Variants in DCDC2 observed in about 807,000 individuals in gnomAD.
DCDC2 encodes the protein doublecortin domain containing 2.
Under a neutral mutation model 50.2 loss-of-function variants are expected in DCDC2, and 40 were observed. The observed-to-expected ratio is 0.80, with a 90% CI of 0.62 to 1.04. DCDC2 has a LOEUF of 1.04. Ranked by LOEUF, DCDC2 falls within the 50% of genes least tolerant of loss-of-function variation. DCDC2 has a pLI of 0.00. For missense variants in DCDC2, 570 were observed against 581.9 expected (o/e 0.98, Z 0.21); for synonymous variants, 234 against 210.6 (o/e 1.11, Z -0.96).
chr6:24,274,982 T>C (rs1291688550), intron 7 of DCDC2, among the ~76,000 whole-genome samples: 4 of 152,172 alleles, frequency 2.6e-5, no homozygotes, highest in Admixed American at 2.0e-4. Flanking sequence ...AAATTTAAAA[T>C]ACATTGTAAG....
At chr6:24,372,882 G>C in the DCDC2 span, among the ~76,000 whole-genome samples, 26 of 151,952 alleles carry the variant, frequency 1.7e-4, no homozygotes, top group African/African-American at 5.8e-4. Context: ...AAACCTGCAC[G>C]TTGTGCACAT....
intron 2 of DCDC2, among the ~76,000 whole-genome samples, chr6:24,325,870 T>C (rs1759849592): frequency 6.7e-6 from 1 of 149,048 alleles, no homozygotes; most frequent in Non-Finnish European, 1.5e-5. Context: ...TTAAATAAAA[T>C]TAAAAGGTTG....
At chr6:24,245,977 G>A (rs1762662963) in intron 7 of DCDC2, among the ~76,000 whole-genome samples, 1 of 151,978 alleles carries the variant, frequency 6.6e-6, no homozygotes, top group Non-Finnish European at 1.5e-5. Context: ...TGATCTGAGA[G>A]GATAGATTTT....
intron 6 of DCDC2, among the ~76,000 whole-genome samples, chr6:24,286,576 G>A (rs1452884446): frequency 6.8e-6 from 1 of 146,190 alleles, no homozygotes; most frequent in Non-Finnish European, 1.5e-5. Flanking sequence ...CTGGGTGACA[G>A]AGTGAGACCC....
At chr6:24,360,346 G>A (rs1480245966), upstream of DCDC2, among the ~76,000 whole-genome samples, 1 of 152,206 alleles carries the variant, frequency 6.6e-6, no homozygotes, top group Non-Finnish European at 1.5e-5. Flanking sequence ...CCTGCTGTGT[G>A]CAAGGCCCTG....
intron 8 of DCDC2, among the ~76,000 whole-genome samples, chr6:24,187,332 T>C (rs1761227457): frequency 6.6e-6 from 1 of 152,048 alleles, no homozygotes; most frequent in Admixed American, 6.6e-5. Flanking sequence ...GGCGGTGCCA[T>C]CCTATTACTC....
At chr6:24,359,171 ATATATATTTTATATATTT>A (rs1453489512), upstream of DCDC2, among the ~76,000 whole-genome samples, 5 of 63,292 alleles carry the variant, frequency 7.9e-5, 1 homozygote, top group South Asian at 1.9e-3. Flanking sequence ...TATATATTTT[ATATATATTTTATATATTT>A]TATATATTAT....
intron 2 of DCDC2, among the ~76,000 whole-genome samples, chr6:24,302,303 A>AC (rs1312647727): frequency 2.7e-5 from 4 of 150,122 alleles, no homozygotes; most frequent in Non-Finnish European, 5.9e-5. Flanking sequence ...GGAAAAAAAA[A>AC]AAAAACAGAA....
chr6:24,205,322 C>A (rs1452453590), intron 7 of DCDC2: 14 of 1,527,398 alleles, frequency 9.2e-6, no homozygotes, highest in Non-Finnish European at 1.2e-5. Context: ...GCTGACCCAG[C>A]AGGGTAAAGT....
intron 2 of DCDC2, among the ~76,000 whole-genome samples, chr6:24,308,229 T>C (rs1759509165): frequency 6.6e-6 from 1 of 152,224 alleles, no homozygotes; most frequent in Admixed American, 6.5e-5. Context: ...TGGAAATAGC[T>C]AATAGCTGGA....
intron 6 of DCDC2, among the ~76,000 whole-genome samples, chr6:24,287,449 A>G (rs1241981804): frequency 2.0e-5 from 3 of 152,110 alleles, no homozygotes; most frequent in Non-Finnish European, 2.9e-5. Context: ...TCTGCCTTCA[A>G]TGGGAGCCTT....
intron 7 of DCDC2, among the ~76,000 whole-genome samples, chr6:24,274,180 T>C (rs532734089): frequency 2.0e-5 from 3 of 152,366 alleles, no homozygotes; most frequent in African/African-American, 7.2e-5. Flanking sequence ...CCTTTCAATA[T>C]TCCTACAGAG....
At chr6:24,318,581 T>G (rs960466843) in intron 2 of DCDC2, among the ~76,000 whole-genome samples, 1 of 152,096 alleles carries the variant, frequency 6.6e-6, no homozygotes, top group East Asian at 1.9e-4. Context: ...GAGTCTCTAA[T>G]GTCTATCATT....
chr6:24,301,558 T>A (rs544149441), intron 4 of DCDC2, among the ~76,000 whole-genome samples, 157 bp downstream of exon 4: 1 of 152,300 alleles, frequency 6.6e-6, no homozygotes, highest in South Asian at 2.1e-4. Flanking sequence ...AACAACGCTA[T>A]GAGGTATATC....
chr6:24,302,359 A>G (rs1260867869), intron 2 of DCDC2, among the ~76,000 whole-genome samples: 2 of 151,878 alleles, frequency 1.3e-5, no homozygotes, highest in Non-Finnish European at 2.9e-5. Context: ...TAAACAATGC[A>G]TTCTGAAAAA....
At chr6:24,366,189 C>A in the DCDC2 span, among the ~76,000 whole-genome samples, 2 of 152,130 alleles carry the variant, frequency 1.3e-5, no homozygotes, top group African/African-American at 2.4e-5. Flanking sequence ...CTCCTAAAAC[C>A]AGAAACATTA....
chr6:24,174,808 T>C lies in DCDC2; in HGVS notation c.1353A>G (p.Pro451=). ...DEADVDPQRP[P]RPEVKITSPE... The stretch of plus-strand genomic sequence containing the variant: ...GACTGGTAATTTTTACTTCTGGCCT[T>C]GGTGGTCTTTGAGGGTCTACATCAG... Residue 451 remains proline, a synonymous_variant, in exon 10 of 10, where the codon CCA becomes CCG. Transcript: ENST00000378454. The C allele has an allele frequency of 1.2e-6, 2 of 1,613,544 alleles. No homozygotes were observed. The highest frequency in any genetic ancestry group is 1.3e-5 in the African/African-American group (1 of 75,030).
intron 7 of DCDC2, among the ~76,000 whole-genome samples, chr6:24,213,461 G>GA (rs1200419449): frequency 6.6e-6 from 1 of 151,610 alleles, no homozygotes; most frequent in Admixed American, 6.6e-5. Flanking sequence ...ATCCTAAGAA[G>GA]AAAAAAAAGT....
intron 7 of DCDC2, among the ~76,000 whole-genome samples, chr6:24,243,555 T>C (rs1484078209): frequency 6.6e-6 from 1 of 152,212 alleles, no homozygotes; most frequent in Non-Finnish European, 1.5e-5. Flanking sequence ...ATTGTTATTA[T>C]TATTATGGCT....
Sources: gnomAD v4.1 joint callset for allele counts (sites outside exome capture counted in the v4.1 genomes callset) on GRCh38, gnomAD v4.1.1 for gene constraint, MANE v1.5 for transcripts, NCBI Gene and HGNC (gene_info 2026-07-23, HGNC 2026-07-21) for gene names.